Variants in ATG10 observed in about 807,000 individuals in gnomAD.
The protein encoded by ATG10 is autophagy related 10.
A neutral mutation model predicts 32.1 loss-of-function variants in ATG10; 30 were observed. The observed-to-expected ratio is 0.94, with a 90% CI of 0.70 to 1.27. The LOEUF is 1.27. Among genes scored for constraint, ATG10 ranks in the 50% most tolerant of loss-of-function variants. The probability of loss-of-function intolerance (pLI) is 0.00; values close to 1 mark genes in which losing one functional copy is unlikely to be tolerated. For missense variants in ATG10, 233 were observed against 262.3 expected, an observed-to-expected ratio of 0.89 and a Z score of 0.77; for synonymous variants, 87 against 91.5, an observed-to-expected ratio of 0.95 and a Z score of 0.28.
chr5:82,206,872 A>G (rs1012917890), intron 5 of ATG10, among the ~76,000 whole-genome samples: 12 of 152,130 alleles, frequency 7.9e-5, no homozygotes, highest in Non-Finnish European at 8.8e-5. Flanking sequence ...TGAATGTTGT[A>G]TAGATGAAAT....
chr5:82,132,281 G>T (rs1766571804), intron 3 of ATG10, among the ~76,000 whole-genome samples: 1 of 151,654 alleles, frequency 6.6e-6, no homozygotes, highest in African/African-American at 2.4e-5. Flanking sequence ...TTAAGTTCCG[G>T]GATACATGTG....
intron 3 of ATG10, among the ~76,000 whole-genome samples, chr5:82,141,307 G>A (rs1767123705): frequency 6.6e-6 from 1 of 151,144 alleles, no homozygotes; most frequent in Non-Finnish European, 1.5e-5. Context: ...TGTTATTGAA[G>A]CCTATCATGT....
intron 2 of ATG10, among the ~76,000 whole-genome samples, chr5:82,007,279 G>T (rs1051417835): frequency 6.6e-6 from 1 of 152,046 alleles, no homozygotes; most frequent in Non-Finnish European, 1.5e-5. Flanking sequence ...ACATAGCCTC[G>T]TTCTATTAGG....
chr5:82,019,219 A>G (rs535674474), intron 2 of ATG10, among the ~76,000 whole-genome samples: 1 of 152,312 alleles, frequency 6.6e-6, no homozygotes, highest in East Asian at 1.9e-4. Context: ...ATCCATGAAA[A>G]CACCATAACA....
At chr5:82,233,546 G>A (rs1746445309) in intron 5 of ATG10, among the ~76,000 whole-genome samples, 1 of 152,202 alleles carries the variant, frequency 6.6e-6, no homozygotes, top group African/African-American at 2.4e-5. Flanking sequence ...GAAAGAGTGA[G>A]AGTTTGAACC....
chr5:82,172,668 A>G (rs532393322), intron 4 of ATG10, among the ~76,000 whole-genome samples: 1 of 152,310 alleles, frequency 6.6e-6, no homozygotes, highest in African/African-American at 2.4e-5. Context: ...TTTTCACTAC[A>G]TGACACTTTC....
chr5:82,235,136 C>T (rs928903782), intron 5 of ATG10, among the ~76,000 whole-genome samples: 4 of 152,156 alleles, frequency 2.6e-5, no homozygotes, highest in African/African-American at 7.2e-5. Flanking sequence ...AACCACGTGC[C>T]TTGTGTTTCC....
At chr5:82,084,010 C>T (rs527593962) in intron 3 of ATG10, among the ~76,000 whole-genome samples, 5 of 152,280 alleles carry the variant, frequency 3.3e-5, no homozygotes, top group Admixed American at 6.5e-5. Context: ...AGGCTTCAGA[C>T]GATCGGTAAT....
At chr5:82,131,267 A>C (rs930053223) in intron 3 of ATG10, among the ~76,000 whole-genome samples, 1 of 152,162 alleles carries the variant, frequency 6.6e-6, no homozygotes, top group South Asian at 2.1e-4. Flanking sequence ...AATTGGTATT[A>C]ATATGGGAGT....
At chr5:82,132,395 C>A (rs1401637244) in intron 3 of ATG10, among the ~76,000 whole-genome samples, 2 of 151,414 alleles carry the variant, frequency 1.3e-5, no homozygotes, top group Non-Finnish European at 2.9e-5. Context: ...TAATGCTATC[C>A]CTCCCCTAGC....
intron 3 of ATG10, among the ~76,000 whole-genome samples, chr5:82,132,050 G>A (rs554210411): frequency 1.3e-5 from 2 of 152,030 alleles, no homozygotes; most frequent in South Asian, 2.1e-4. Flanking sequence ...CAAGCCATGA[G>A]GGATCTGTGC....
intron 5 of ATG10, among the ~76,000 whole-genome samples, chr5:82,194,794 A>G (rs1744790103): frequency 6.6e-6 from 1 of 152,158 alleles, no homozygotes; most frequent in Non-Finnish European, 1.5e-5. Flanking sequence ...ATTTTATAGG[A>G]GACAGGCTTT....
Position 82,061,779 on chromosome 5 carries a change from C to CACAT in ATG10, c.216+3178_216+3179insCATA, listed in dbSNP as rs1554044767. ...GTATATACATATATATACATGTACA[C>CACAT]ATATATATATATACGTATACATACA... On this transcript the variant is annotated intron_variant, in intron 3 of 7. Transcript: ENST00000282185. Among the ~76,000 whole-genome samples, 15 of 135,386 alleles carry CACAT rather than the reference C, an allele frequency of 1.1e-4. 1 individual carries two copies. The South Asian group carries it at 2.2e-3, about 20-fold the overall frequency. The allele number at this position is 135,386 out of a possible 152,430, so 88.8% of individuals were successfully genotyped here.
intron 3 of ATG10, among the ~76,000 whole-genome samples, chr5:82,104,180 G>A (rs1765375805): frequency 6.6e-6 from 1 of 152,018 alleles, no homozygotes; most frequent in Non-Finnish European, 1.5e-5. Flanking sequence ...GCGAACATCT[G>A]TACATATTTC....
intron 3 of ATG10, among the ~76,000 whole-genome samples, chr5:82,139,262 A>G (rs1228137969): frequency 1.4e-5 from 2 of 147,170 alleles, no homozygotes; most frequent in Non-Finnish European, 3.0e-5. Flanking sequence ...CCGGGCCACC[A>G]CCCCGTCTGG....
intron 5 of ATG10, among the ~76,000 whole-genome samples, chr5:82,188,875 C>T (rs1312112743): frequency 1.3e-5 from 2 of 151,762 alleles, no homozygotes; most frequent in Non-Finnish European, 1.5e-5. Context: ...ACATTATTTT[C>T]TTCCCACTTT....
At chr5:81,979,503 G>T (rs1187457497) in intron 1 of ATG10, among the ~76,000 whole-genome samples, 2 of 152,096 alleles carry the variant, frequency 1.3e-5, no homozygotes, top group Non-Finnish European at 2.9e-5. Flanking sequence ...ACTCCAGCCT[G>T]GGCAACAGAG....
intron 3 of ATG10, among the ~76,000 whole-genome samples, chr5:82,129,632 G>A (rs1420241150): frequency 3.9e-5 from 6 of 152,058 alleles, no homozygotes; most frequent in African/African-American, 1.4e-4. Context: ...GTTTCCTGGA[G>A]GTCCACTCAA....
intron 2 of ATG10, among the ~76,000 whole-genome samples, chr5:81,988,028 C>T (rs936785738): frequency 3.3e-5 from 5 of 152,166 alleles, no homozygotes; most frequent in East Asian, 3.8e-4. Context: ...AAACTACTTT[C>T]GTCTGGAGAG....
Sources: allele counts gnomAD v4.1 joint callset (sites outside exome capture counted in the v4.1 genomes callset), GRCh38; gene constraint gnomAD v4.1.1; transcripts MANE v1.5; gene names NCBI Gene and HGNC (gene_info 2026-07-23, HGNC 2026-07-21).